Variants in FOXN3 observed in about 807,000 individuals in gnomAD.
FOXN3 encodes the protein forkhead box protein N3.
Under a neutral mutation model 38.4 loss-of-function variants are expected in FOXN3, and 7 were observed. The ratio of observed to expected loss-of-function variants is 0.18; its 90% confidence interval spans 0.10 to 0.34. The LOEUF is 0.34. FOXN3 is among the 10% of genes least tolerant of loss of function. The pLI is 1.00. For synonymous variants in FOXN3, 230 were observed against 242.2 expected (o/e 0.95, Z 0.47); for missense variants, 456 against 613.4 (o/e 0.74, Z 2.71).
At chr14:89,374,136 C>T (rs745318223) in intron 2 of FOXN3, among the ~76,000 whole-genome samples, 5 of 151,498 alleles carry the variant, frequency 3.3e-5, no homozygotes, top group Admixed American at 6.6e-5. Context: ...TGATGGTGTG[C>T]GCCTGTGGTC....
chr14:89,290,594 A>G, intron 3 of FOXN3: 2 of 552,020 alleles, frequency 3.6e-6, no homozygotes, highest in Non-Finnish European at 7.1e-6. Context: ...TCACAAGGTC[A>G]TTCCTGTCTT....
chr14:89,528,351 T>G (rs1894473109), intron 1 of FOXN3, among the ~76,000 whole-genome samples: 2 of 141,610 alleles, frequency 1.4e-5, no homozygotes, highest in Non-Finnish European at 3.1e-5. Context: ...ATAGAAGTGT[T>G]CATCCATACT....
rs141842973 is a variant in FOXN3, at chr14:89,524,812, G to T, written c.-15+94216C>A. 9.5e-3 allele frequency among the ~76,000 whole-genome samples: 1,450 copies of T among 152,166 alleles called. 21 individuals carry two copies. Among genetic ancestry groups the T allele is most frequent in the African/African-American group, 0.033 (1,375 of 41,520 alleles). On this transcript the variant is annotated intron_variant, in intron 1 of 6. Transcript: ENST00000345097. ...AGATTAAAATCCTTCACATAAAAAA[G>T]ACTCCAGGACCAGAATGTTTTCTTA... is the stretch of plus-strand genomic sequence containing the variant.
intron 4 of FOXN3, among the ~76,000 whole-genome samples, chr14:89,228,842 G>A (rs945506957): frequency 2.0e-5 from 3 of 152,142 alleles, no homozygotes; most frequent in African/African-American, 7.2e-5. Context: ...ATAAAAAACT[G>A]TAGATTTAAG....
At position 89,162,834 on chromosome 14, in the gene FOXN3, G is replaced by T. The variant is rs200553485; in HGVS notation, c.987C>A (p.Thr329=). ...KSSNARSTSP[T]SDSISSSSSS... ...AGGAGGAGGAGGAGATGGAGTCGCT[G>T]GTGGGCGAGGTGCTCCGGGCGTTGG... The change falls in exon 6 of 6, where the codon ACC becomes ACA. Residue 329 remains threonine, a synonymous_variant. Coordinates refer to ENST00000557258, the MANE Select transcript of FOXN3 (RefSeq NM_005197.4). The surrounding 1 kb of genome is among the most constrained non-coding windows in gnomAD (Gnocchi z 7.2). The T allele has an allele frequency of 8.7e-5, 141 of 1,611,738 alleles. No homozygotes were observed. Among genetic ancestry groups the T allele is most frequent in the Non-Finnish European group, 1.1e-4 (124 of 1,179,972 alleles).
At chr14:89,203,090 G>T (rs1485020917) in intron 4 of FOXN3, among the ~76,000 whole-genome samples, 3 of 123,320 alleles carry the variant, frequency 2.4e-5, no homozygotes, top group African/African-American at 9.2e-5. Flanking sequence ...GAATGTGGGG[G>T]GGGTGGGGGG....
intron 1 of FOXN3, among the ~76,000 whole-genome samples, chr14:89,481,471 C>G (rs1893328350): frequency 6.6e-6 from 1 of 152,022 alleles, no homozygotes; most frequent in South Asian, 2.1e-4. Flanking sequence ...AACTTTCTAC[C>G]AGTATGTGGT....
chr14:89,412,331 C>G lies in FOXN3; in HGVS notation c.146G>C (p.Arg49Pro). ...DDLDFSLPDI[R>P]LEEGAMEDEE... ...ATCTTCCATGGCCCCCTCTTCTAAT[C>G]GGATGTCAGGCAGAGAAAAGTCGAG... is the stretch of plus-strand genomic sequence containing the variant. Residue 49 changes from arginine (R) to proline (P), a missense_variant, in exon 2 of 6, where the codon CGA becomes CCA. Arg to Pro is a moderately radical substitution (Grantham distance 103). Transcript: ENST00000557258. This position sits in a 1 kb window ranked among gnomAD's most constrained non-coding sequence, Gnocchi z 4.7. 2 of 1,614,144 alleles carry G rather than the reference C, an allele frequency of 1.2e-6. No homozygotes were observed. The highest frequency in any genetic ancestry group is 1.7e-6 in the Non-Finnish European group (2 of 1,180,034).
intron 1 of FOXN3, among the ~76,000 whole-genome samples, chr14:89,434,082 C>G (rs1892222694): frequency 6.6e-6 from 1 of 151,436 alleles, no homozygotes; most frequent in African/African-American, 2.4e-5. Context: ...TGCCACTACG[C>G]CCGGCTAATT....
intron 1 of FOXN3, among the ~76,000 whole-genome samples, chr14:89,469,638 T>C (rs1296784000): frequency 6.6e-6 from 1 of 152,176 alleles, no homozygotes; most frequent in African/African-American, 2.4e-5. Flanking sequence ...TGGGTCTGCT[T>C]TGATCGCCCT....
At chr14:89,514,254 C>A (rs1254352223) in intron 1 of FOXN3, among the ~76,000 whole-genome samples, 4 of 152,206 alleles carry the variant, frequency 2.6e-5, no homozygotes, top group Non-Finnish European at 5.9e-5. Flanking sequence ...AACAATGGAA[C>A]AATCTTCTTG....
At chr14:89,345,658 A>G (rs1465454238) in intron 3 of FOXN3, among the ~76,000 whole-genome samples, 1 of 150,894 alleles carries the variant, frequency 6.6e-6, no homozygotes, top group African/African-American at 2.4e-5. Context: ...CCCAAAGTCC[A>G]TTATATCATT....
intron 1 of FOXN3, among the ~76,000 whole-genome samples, chr14:89,429,597 G>A (rs1892115322): frequency 6.6e-6 from 1 of 151,986 alleles, no homozygotes; most frequent in Non-Finnish European, 1.5e-5. Flanking sequence ...CATGTGAAGT[G>A]GGAGAGTTGC....
intron 1 of FOXN3, among the ~76,000 whole-genome samples, chr14:89,574,393 C>A (rs1427859014): frequency 1.3e-5 from 2 of 152,206 alleles, no homozygotes; most frequent in African/African-American, 2.4e-5. Context: ...TTCTGGTCTT[C>A]TCTGGCGAGG....
chr14:89,168,776 C>A (rs1018040505), intron 5 of FOXN3, among the ~76,000 whole-genome samples: 11 of 151,822 alleles, frequency 7.2e-5, no homozygotes, highest in Non-Finnish European at 1.2e-4. Context: ...ACGTCCCATG[C>A]GGGATAAAAA....
chr14:89,170,316 G>GCACACA (rs376308529), intron 5 of FOXN3, among the ~76,000 whole-genome samples: 3 of 151,870 alleles, frequency 2.0e-5, no homozygotes, highest in Non-Finnish European at 4.4e-5. Context: ...AAGCTGACAC[G>GCACACA]CACACACACA....
chr14:89,208,127 G>A (rs529146670), intron 4 of FOXN3, among the ~76,000 whole-genome samples: 3 of 152,240 alleles, frequency 2.0e-5, no homozygotes, highest in South Asian at 2.1e-4. Flanking sequence ...ATAATGAGAG[G>A]TCATAATTAT....
chr14:89,544,395 G>A (rs553475153), intron 1 of FOXN3, among the ~76,000 whole-genome samples: 6 of 151,756 alleles, frequency 4.0e-5, no homozygotes, highest in South Asian at 2.1e-4. Context: ...ATGTAATAGC[G>A]TGATCACAGG....
intron 3 of FOXN3, among the ~76,000 whole-genome samples, chr14:89,306,334 G>GCT (rs1887370987): frequency 6.8e-6 from 1 of 146,762 alleles, no homozygotes; most frequent in Non-Finnish European, 1.5e-5. Context: ...ACAGACGCAT[G>GCT]CACACACACA....
Sources: allele counts gnomAD v4.1 joint callset (sites outside exome capture counted in the v4.1 genomes callset), GRCh38; gene constraint gnomAD v4.1.1; non-coding constraint Gnocchi (gnomAD v3.1); transcripts MANE v1.5; gene names NCBI Gene and HGNC (gene_info 2026-07-23, HGNC 2026-07-21).